Variants in TLL1 observed in about 807,000 individuals in gnomAD.
TLL1 encodes tolloid-like protein 1.
Under a neutral mutation model 128.2 loss-of-function variants are expected in TLL1, and 49 were observed. The observed-to-expected ratio is 0.38, with a 90% confidence interval of 0.30 to 0.48. TLL1 has a LOEUF of 0.48. Ranked by LOEUF, TLL1 falls within the 20% of genes least tolerant of loss-of-function variation. The pLI is 0.96. For missense variants in TLL1, 1,123 were observed against 1,242.0 expected (o/e 0.90, Z 1.44); for synonymous variants, 454 against 418.8 (o/e 1.08, Z -1.03).
chr4:166,011,148 T>C (rs1227870999), intron 7 of TLL1, among the ~76,000 whole-genome samples: 1 of 151,438 alleles, frequency 6.6e-6, no homozygotes, highest in Non-Finnish European at 1.5e-5. Flanking sequence ...TGGTGTATCT[T>C]GAGATCATAT....
At chr4:166,021,105 ATTAC>A (rs1183230177) in intron 8 of TLL1, among the ~76,000 whole-genome samples, 2 of 152,138 alleles carry the variant, frequency 1.3e-5, no homozygotes, top group Admixed American at 6.5e-5. Flanking sequence ...CTTCTTTTCA[ATTAC>A]TTAATTCATA....
chr4:165,884,897 C>T (rs1357982383), intron 1 of TLL1, among the ~76,000 whole-genome samples: 1 of 152,080 alleles, frequency 6.6e-6, no homozygotes, highest in African/African-American at 2.4e-5. Flanking sequence ...TTCTTGTTTT[C>T]TCCCACATTA....
In TLL1 at chr4:165,876,671, C is replaced by A. The variant is rs372108552; in HGVS notation, c.169+2598C>A. 1.1e-4 allele frequency among the ~76,000 whole-genome samples: 16 copies of A among 152,300 alleles called. 1 individual carries two copies. The highest frequency in any genetic ancestry group is 4.6e-4 in the Admixed American group (7 of 15,308). Reference sequence around the variant, plus strand: ...CATTTTACAGATAGGAAAGCAGAGGCCCAGTGAGGTTACATGTCTTCATTA... The same window carrying A: ...CATTTTACAGATAGGAAAGCAGAGGACCAGTGAGGTTACATGTCTTCATTA... On this transcript the variant is annotated intron_variant, in intron 1 of 20. Transcript: ENST00000061240.
chr4:166,041,300 CTTTCTTTTTTT>C (rs1739225917), intron 10 of TLL1, among the ~76,000 whole-genome samples: 1 of 121,678 alleles, frequency 8.2e-6, no homozygotes, highest in African/African-American at 3.3e-5. Context: ...TTCTTTCTTT[CTTTCTTTTTTT>C]TTTTTTTTGA....
intron 15 of TLL1, among the ~76,000 whole-genome samples, chr4:166,061,744 G>A (rs1740322861): frequency 6.6e-6 from 1 of 151,986 alleles, no homozygotes; most frequent in African/African-American, 2.4e-5. Flanking sequence ...TGTCAATTTT[G>A]GCTTTTGTTG....
chr4:165,914,281 T>C (rs984649473), intron 1 of TLL1, among the ~76,000 whole-genome samples: 1 of 152,234 alleles, frequency 6.6e-6, no homozygotes, highest in African/African-American at 2.4e-5. Context: ...ATGTTATATT[T>C]ATATAGATAT....
At position 165,873,947 on chromosome 4, in the gene TLL1, G is replaced by C; in HGVS notation, c.43G>C (p.Val15Leu). The C allele has an allele frequency of 6.2e-7, 1 of 1,614,162 alleles. No individual in the cohort carries two copies. Among genetic ancestry groups the C allele is most frequent in the Non-Finnish European group, 8.5e-7 (1 of 1,180,030 alleles). Residue 15 changes from valine to leucine, a missense_variant, in exon 1 of 21, where the codon GTG becomes CTG. Val to Leu is a conservative substitution (Grantham distance 32). Around this residue, in one of 3 missense-constraint regions of TLL1, gnomAD observed 480 missense variants for 542.4 expected, o/e 0.89. Transcript: ENST00000061240. ...TLSPRMLVWL[V>L]ASGIVFYGEL... ...TTCCCCGAGGATGCTCGTGTGGCTG[G>C]TGGCCTCGGGGATTGTTTTCTACGG... is the stretch of plus-strand genomic sequence containing the variant.
rs941708966 is a variant in TLL1, at chr4:165,961,298, A to G, written c.170-28083A>G. On this transcript the variant is annotated intron_variant, in intron 1 of 20. Coordinates refer to ENST00000061240, the MANE Select transcript of TLL1 (RefSeq NM_012464.5). Reference sequence around the variant, plus strand: ...AGATCTATACAAGGAGAACTACAAAACACAGTTGAAAGAAATCAGACATGT... The same window carrying G: ...AGATCTATACAAGGAGAACTACAAAGCACAGTTGAAAGAAATCAGACATGT... Among the ~76,000 whole-genome samples the G allele has an allele frequency of 1.2e-4, 19 of 152,150 alleles. 1 individual carries two copies. Among genetic ancestry groups the G allele is most frequent in the African/African-American group, 3.6e-4 (15 of 41,446 alleles).
At chr4:165,898,250 G>C (rs1260108006) in intron 1 of TLL1, among the ~76,000 whole-genome samples, 4 of 152,206 alleles carry the variant, frequency 2.6e-5, no homozygotes, top group Admixed American at 2.6e-4. Context: ...GCCCTGGCCA[G>C]AATTTCCAAT....
At chr4:165,964,592 C>T (rs544146266) in intron 1 of TLL1, among the ~76,000 whole-genome samples, 10 of 152,150 alleles carry the variant, frequency 6.6e-5, no homozygotes, top group African/African-American at 1.7e-4. Context: ...TTCCTACCTC[C>T]GAGGGTTGTT....
chr4:165,970,586 C>A (rs1735586578), intron 1 of TLL1, among the ~76,000 whole-genome samples: 1 of 152,192 alleles, frequency 6.6e-6, no homozygotes, highest in African/African-American at 2.4e-5. Context: ...TTCTTTTGAC[C>A]ATGTAGGACT....
chr4:165,882,881 G>T (rs1367279268), intron 1 of TLL1, among the ~76,000 whole-genome samples: 1 of 151,832 alleles, frequency 6.6e-6, no homozygotes, highest in Non-Finnish European at 1.5e-5. Flanking sequence ...GCTTCTACTT[G>T]GGAAGAGATT....
intron 18 of TLL1, among the ~76,000 whole-genome samples, chr4:166,083,095 A>G (rs1741364741): frequency 6.6e-6 from 1 of 152,164 alleles, no homozygotes; most frequent in Non-Finnish European, 1.5e-5. Context: ...TTGGTTACCA[A>G]CTGGCTTCAT....
chr4:165,985,698 A>T (rs960672582), intron 1 of TLL1, among the ~76,000 whole-genome samples: 29 of 152,014 alleles, frequency 1.9e-4, no homozygotes, highest in Admixed American at 7.2e-4. Flanking sequence ...CACAATCTTG[A>T]ATTGCTTATT....
In TLL1 at chr4:165,937,857, C is replaced by G. The variant is rs1324933344; in HGVS notation, c.170-51524C>G. ...TTCTGGTTTATTCCCTTCCCCACCC[C>G]CCCCCCAAAAAAAAGCATTGCTCTC... On this transcript the variant is annotated intron_variant, in intron 1 of 20. Transcript: ENST00000061240. Among the ~76,000 whole-genome samples the G allele has an allele frequency of 1.2e-4, 14 of 117,802 alleles. No individual in the cohort carries two copies. In the East Asian group the frequency reaches 1.5e-3, roughly 13 times the overall value. The allele number at this position is 117,802 out of a possible 152,430, so 77.3% of individuals were successfully genotyped here. A position where few individuals can be genotyped will look rare whatever the true frequency, so the allele number is the denominator to read the frequency against.
In TLL1 at chr4:166,065,717, G is replaced by T; in HGVS notation, c.2042G>T (p.Gly681Val). Residue 681 changes from glycine to valine, a missense_variant, in exon 16 of 21, where the codon GGT becomes GTT. Physicochemically the swap from Gly to Val is moderately radical, Grantham distance 109. This residue lies in a region of TLL1 where 634 missense variants were observed against 672.4 expected (regional missense o/e 0.94). Coordinates refer to ENST00000061240, the MANE Select transcript of TLL1 (RefSeq NM_012464.5). ...TATGATTATGTGGAGATCTGGAGTG[G>T]TCTTTCCTCTGAGTCTAAACTGCAT... ...CKYDYVEIWS[G>V]LSSESKLHGK... The T allele has an allele frequency of 1.9e-6, 3 of 1,611,032 alleles. No individual in the cohort carries two copies. The highest frequency in any genetic ancestry group is 2.5e-6 in the Non-Finnish European group (3 of 1,178,688).
intron 1 of TLL1, among the ~76,000 whole-genome samples, chr4:165,935,566 G>T (rs1019135749): frequency 5.3e-5 from 8 of 152,120 alleles, no homozygotes; most frequent in African/African-American, 1.7e-4. Context: ...TCAAGAAATA[G>T]AACATTTCCA....
chr4:165,959,509 G>A (rs891692727), intron 1 of TLL1, among the ~76,000 whole-genome samples: 2 of 151,962 alleles, frequency 1.3e-5, no homozygotes. Context: ...GACATCTATA[G>A]AATATTCCTC....
intron 18 of TLL1, among the ~76,000 whole-genome samples, chr4:166,082,999 A>T (rs886528402): frequency 2.0e-5 from 3 of 152,064 alleles, no homozygotes; most frequent in African/African-American, 7.2e-5. Flanking sequence ...TTCAACCAAA[A>T]CTGTAATTTA....
Sources: allele counts gnomAD v4.1 joint callset (sites outside exome capture counted in the v4.1 genomes callset), GRCh38; gene constraint gnomAD v4.1.1; regional missense constraint gnomAD v4.1.1; transcripts MANE v1.5; gene names NCBI Gene and HGNC (gene_info 2026-07-23, HGNC 2026-07-21).